RPS6KC1: variants seen among roughly 807,000 people sequenced by gnomAD.
RPS6KC1 encodes the protein inactive ribosomal protein S6 kinase delta-1.
Under a neutral mutation model 103.8 loss-of-function variants are expected in RPS6KC1, and 54 were observed. The ratio of observed to expected loss-of-function variants is 0.52; its 90% CI spans 0.42 to 0.65. The LOEUF (loss-of-function observed/expected upper bound fraction) is 0.65. Ranked by LOEUF, RPS6KC1 falls within the 30% of genes least tolerant of loss-of-function variation. The probability of loss-of-function intolerance (pLI) is 0.00; values close to 1 mark genes in which losing one functional copy is unlikely to be tolerated. For synonymous variants in RPS6KC1, 439 were observed against 438.7 expected, an observed-to-expected ratio of 1.00 and a Z score of -0.01; for missense variants, 1,151 against 1,253.8, an observed-to-expected ratio of 0.92 and a Z score of 1.24.
chr1:213,422,702 A>T, the RPS6KC1 span, among the ~76,000 whole-genome samples: 17 of 152,344 alleles, frequency 1.1e-4, no homozygotes, highest in South Asian at 3.5e-3. Flanking sequence ...TCATCCTGAC[A>T]GTGGGCATCA....
chr1:213,669,708 T>G, the RPS6KC1 span, among the ~76,000 whole-genome samples: 130 of 152,212 alleles, frequency 8.5e-4, no homozygotes, highest in East Asian at 0.021. Flanking sequence ...ATCATTCACC[T>G]TATTTGATTT....
At chr1:213,761,915 T>G in the RPS6KC1 span, among the ~76,000 whole-genome samples, 19 of 152,000 alleles carry the variant, frequency 1.3e-4, no homozygotes, top group African/African-American at 4.6e-4. Flanking sequence ...GTTTAGATCT[T>G]TGATTATTTT....
chr1:213,730,411 C>T, the RPS6KC1 span, among the ~76,000 whole-genome samples: 2 of 152,310 alleles, frequency 1.3e-5, no homozygotes, highest in South Asian at 4.1e-4. Flanking sequence ...TGTTCCTTTT[C>T]TCCACAACCT....
the RPS6KC1 span, among the ~76,000 whole-genome samples, chr1:213,460,687 G>A: frequency 6.6e-6 from 1 of 152,036 alleles, no homozygotes; most frequent in African/African-American, 2.4e-5. Flanking sequence ...TAGTGTCAAT[G>A]GTCTTTACAA....
chr1:213,614,812 T>C, the RPS6KC1 span, among the ~76,000 whole-genome samples: 1 of 152,348 alleles, frequency 6.6e-6, no homozygotes. Flanking sequence ...AAGAGGAGCT[T>C]GCAAACCTTC....
chr1:213,710,507 C>T, the RPS6KC1 span, among the ~76,000 whole-genome samples: 1 of 152,104 alleles, frequency 6.6e-6, no homozygotes, highest in Admixed American at 6.5e-5. Flanking sequence ...GCATTTAGTC[C>T]ATTTGCATTT....
At chr1:213,850,520 T>A in the RPS6KC1 span, among the ~76,000 whole-genome samples, 1 of 152,222 alleles carries the variant, frequency 6.6e-6, no homozygotes, top group African/African-American at 2.4e-5. Flanking sequence ...AGGCAGGCCA[T>A]CTACAGTCTG....
chr1:213,628,279 A>C, the RPS6KC1 span, among the ~76,000 whole-genome samples: 4 of 152,092 alleles, frequency 2.6e-5, no homozygotes, highest in Non-Finnish European at 5.9e-5. Flanking sequence ...CCCCTTTATC[A>C]TTTTTTATTG....
chr1:213,657,180 A>T, the RPS6KC1 span, among the ~76,000 whole-genome samples: 7 of 152,222 alleles, frequency 4.6e-5, no homozygotes. Flanking sequence ...ATCAAAGGTA[A>T]GAAAGAGACA....
the RPS6KC1 span, among the ~76,000 whole-genome samples, chr1:213,558,172 G>T: frequency 6.6e-6 from 1 of 152,192 alleles, no homozygotes; most frequent in Non-Finnish European, 1.5e-5. Context: ...GCTACGTAAG[G>T]GGCTTGCAGT....
the RPS6KC1 span, among the ~76,000 whole-genome samples, chr1:213,672,167 T>C: frequency 6.6e-6 from 1 of 152,180 alleles, no homozygotes; most frequent in Non-Finnish European, 1.5e-5. Context: ...TTCAACCTCT[T>C]GCCCGCCTGG....
chr1:213,861,730 T>G, the RPS6KC1 span, among the ~76,000 whole-genome samples: 382 of 152,326 alleles, frequency 2.5e-3, 1 homozygote, highest in African/African-American at 8.9e-3. Flanking sequence ...TTTATTTTGT[T>G]TTAACATCCT....
At chr1:213,143,131 T>C (rs2087278262) in intron 6 of RPS6KC1, among the ~76,000 whole-genome samples, 1 of 152,106 alleles carries the variant, frequency 6.6e-6, no homozygotes, top group Non-Finnish European at 1.5e-5. Context: ...ATCCTTAACA[T>C]ATTCTATGGG....
At chr1:213,563,819 A>G in the RPS6KC1 span, among the ~76,000 whole-genome samples, 1 of 151,990 alleles carries the variant, frequency 6.6e-6, no homozygotes, top group Non-Finnish European at 1.5e-5. Context: ...GTTGGCCAGT[A>G]TTTTAATTAC....
At chr1:213,051,601 C>G in intron 1 of RPS6KC1, 92 bp downstream of exon 1, 1 of 928,446 alleles carries the variant, frequency 1.1e-6, no homozygotes, top group African/African-American at 1.6e-5. Flanking sequence ...GACTCTGGCT[C>G]AGAGCCGAGG....
At chr1:213,469,151 G>A in the RPS6KC1 span, among the ~76,000 whole-genome samples, 1 of 152,022 alleles carries the variant, frequency 6.6e-6, no homozygotes, top group African/African-American at 2.4e-5. Context: ...CTTATTCCAT[G>A]TTGTATCTCC....
At chr1:213,820,016 G>A in the RPS6KC1 span, 2 of 152,184 alleles carry the variant, frequency 1.3e-5, no homozygotes, top group Non-Finnish European at 2.9e-5. Context: ...TGGCAGGAAA[G>A]GGGAGCAACT....
the RPS6KC1 span, among the ~76,000 whole-genome samples, chr1:213,588,870 C>T: frequency 6.6e-6 from 1 of 152,186 alleles, no homozygotes; most frequent in Non-Finnish European, 1.5e-5. Context: ...ACTGGAATGA[C>T]ACACGTGAAC....
chr1:213,256,188 G>A (rs1417762996), intron 12 of RPS6KC1, among the ~76,000 whole-genome samples: 1 of 152,184 alleles, frequency 6.6e-6, no homozygotes, highest in African/African-American at 2.4e-5. Flanking sequence ...AGGCCTAAGT[G>A]TGTTAGAAAG....
Sources: allele counts gnomAD v4.1 joint callset (sites outside exome capture counted in the v4.1 genomes callset), GRCh38; gene constraint gnomAD v4.1.1; transcripts MANE v1.5; gene names NCBI Gene and HGNC (gene_info 2026-07-23, HGNC 2026-07-21).